The following TRIM29 variants were observed in gnomAD, a reference collection of about 807,000 sequenced individuals.
TRIM29 encodes tripartite motif containing 29, also known as tripartite motif-containing protein 29.
Under a neutral mutation model 57.3 loss-of-function variants are expected in TRIM29, and 52 were observed. The ratio of observed to expected loss-of-function variants is 0.91; its 90% CI spans 0.73 to 1.14. The LOEUF (loss-of-function observed/expected upper bound fraction) is 1.14. TRIM29 is among the 50% of genes most tolerant of loss of function. The pLI, the probability that TRIM29 is intolerant of heterozygous loss-of-function variation, is 0.00. For missense variants in TRIM29, 753 were observed against 774.6 expected, an observed-to-expected ratio of 0.97 and a Z score of 0.33; for synonymous variants, 319 against 316.9, an observed-to-expected ratio of 1.01 and a Z score of -0.07.
rs761004589 is a variant in TRIM29 at position 120,123,305 on chromosome 11, G to T, written c.1334-250C>A. On this transcript the variant is annotated intron_variant, in intron 4 of 8. Coordinates refer to ENST00000341846, the MANE Select transcript of TRIM29 (RefSeq NM_012101.4). ...GAACTAAGCCCTTGTAAATACGATTGTGTGCACAACACTTCCTAGCACTTC... is the reference window on the plus strand; with the variant it reads ...GAACTAAGCCCTTGTAAATACGATTTTGTGCACAACACTTCCTAGCACTTC... 23 of 665,616 alleles carry T rather than the reference G, an allele frequency of 3.5e-5. No homozygotes were observed. The East Asian group carries it at 3.8e-4, about 11-fold the overall frequency. 41.2% of individuals were successfully genotyped at this position (665,616 alleles called of 1,614,324 possible).
intron 1 of TRIM29, among the ~76,000 whole-genome samples, chr11:120,133,512 C>T (rs553791985): frequency 3.9e-4 from 60 of 152,256 alleles, no homozygotes; most frequent in African/African-American, 1.4e-3. Context: ...GTTATTTCCC[C>T]CTTAGCACCC....
chr11:120,122,611 G>A (rs1162165858), intron 5 of TRIM29, among the ~76,000 whole-genome samples: 1 of 152,228 alleles, frequency 6.6e-6, no homozygotes, highest in Admixed American at 6.5e-5. Flanking sequence ...CCTGGCAGAA[G>A]GGAGCCCAGG....
Position 120,137,707 on chromosome 11 carries a change from G to A in TRIM29, c.325C>T (p.Leu109Phe). 6.2e-7 allele frequency: 1 copy of A among 1,613,170 alleles called. No individual in the cohort carries two copies. The highest frequency in any genetic ancestry group is 1.1e-5 in the South Asian group (1 of 91,070). ...GGCTTCTTGGCAGCCCCCAGCTGGA[G>A]CCCTGCGTACGGCGACCTCTTGCCT... is the stretch of plus-strand genomic sequence containing the variant. ...MEGKRSPYAG[L>F]QLGAAKKPPV... The change falls in exon 1 of 9, where the codon CTC (leucine) becomes TTC (phenylalanine). Residue 109 changes from leucine to phenylalanine, a missense_variant. By Grantham distance (22) the Leu-to-Phe change is conservative (BLOSUM62 0). Transcript: ENST00000341846. The surrounding 1 kb of genome is among the most constrained non-coding windows in gnomAD (Gnocchi z 6.2).
intron 5 of TRIM29, 74 bp from the exon 6 acceptor site, chr11:120,120,739 C>T (rs1863422824): frequency 1.5e-6 from 2 of 1,343,176 alleles, no homozygotes; most frequent in African/African-American, 2.9e-5. Context: ...AAAAAGTTGC[C>T]CAAGTGCCCA....
chr11:120,135,563 C>T (rs917777831), intron 1 of TRIM29, among the ~76,000 whole-genome samples: 1 of 152,132 alleles, frequency 6.6e-6, no homozygotes, highest in Non-Finnish European at 1.5e-5. Context: ...AGTAAACTCC[C>T]TAGAATGAGT....
At position 120,113,849 on chromosome 11, in the gene TRIM29, G is replaced by T. The variant is rs115729227; in HGVS notation, c.1705-1373C>A. Among the ~76,000 whole-genome samples, 1,262 of 152,268 alleles carry T rather than the reference G, an allele frequency of 8.3e-3. 13 individuals are homozygous for T. The highest frequency in any genetic ancestry group is 0.028 in the African/African-American group (1,179 of 41,528). On this transcript the variant is annotated intron_variant, in intron 8 of 8. Coordinates refer to ENST00000341846, the MANE Select transcript of TRIM29 (RefSeq NM_012101.4). ...GAAGATTGGGTCAATAATATGGGTT[G>T]CAGGTCAATGAATGGCATTGTCTGG... is the stretch of plus-strand genomic sequence containing the variant.
chr11:120,134,857 C>T (rs1863787728), intron 1 of TRIM29, among the ~76,000 whole-genome samples: 1 of 152,188 alleles, frequency 6.6e-6, no homozygotes, highest in South Asian at 2.1e-4. Context: ...TCCCTATCTG[C>T]AAGGTGAGGG....
At chr11:120,133,357 C>A (rs571059246) in intron 1 of TRIM29, among the ~76,000 whole-genome samples, 1 of 152,314 alleles carries the variant, frequency 6.6e-6, no homozygotes, top group Middle Eastern at 3.4e-3. Context: ...AGTCTCTTGA[C>A]GACTTTGACC....
Position 120,112,176 on chromosome 11 carries a change from A to C in TRIM29, c.*238T>G, listed in dbSNP as rs1863150490. ...CCCTGTGATGGGTTGGCCTCTGAGC[A>C]CAGGAATGATGGTGACCATCTGAGG... On this transcript the variant is annotated 3_prime_UTR_variant, in exon 9 of 9. Transcript: ENST00000341846. 2.0e-6 allele frequency: 1 copy of C among 492,096 alleles called. No homozygotes were observed. The highest frequency in any genetic ancestry group is 3.7e-5 in the Admixed American group (1 of 26,900). The allele number at this position is 492,096 out of a possible 1,614,324, so 30.5% of individuals were successfully genotyped here. A position where few individuals can be genotyped will look rare whatever the true frequency, so the allele number is the denominator to read the frequency against.
At chr11:120,135,587 C>A (rs1263136764) in intron 1 of TRIM29, among the ~76,000 whole-genome samples, 2 of 152,134 alleles carry the variant, frequency 1.3e-5, no homozygotes, top group African/African-American at 4.8e-5. Context: ...ATGGCCCCGT[C>A]CCATCTATAT....
chr11:120,119,064 A>C (rs186172905), intron 6 of TRIM29, among the ~76,000 whole-genome samples: 259 of 152,342 alleles, frequency 1.7e-3, no homozygotes, highest in Non-Finnish European at 3.0e-3. Flanking sequence ...CGAACGAATG[A>C]ATACAAACAC....
chr11:120,112,457 T>G lies in TRIM29; in HGVS notation c.1724A>C (p.Tyr575Ser). ...CCCAATCCCGTTGCCTTTGTTGACGTAGAATGGCCGGTAGTGAGACTGTGG... is the reference window on the plus strand; with the variant it reads ...CCCAATCCCGTTGCCTTTGTTGACGGAGAATGGCCGGTAGTGAGACTGTGG... Reference protein sequence around the residue: ...QTMLSHYRPFYVNKGNGIGSN... With the variant: ...QTMLSHYRPFSVNKGNGIGSN... Residue 575 changes from tyrosine to serine, a missense_variant, in exon 9 of 9, where the codon TAC becomes TCC. Physicochemically the swap from Tyr to Ser is moderately radical, Grantham distance 144. Transcript: ENST00000341846. 6.2e-7 allele frequency: 1 copy of G among 1,613,208 alleles called. No homozygotes were observed. Among genetic ancestry groups the G allele is most frequent in the African/African-American group, 1.3e-5 (1 of 74,938 alleles).
At chr11:120,118,366 G>A (rs748601498) in intron 6 of TRIM29, 45 bp from the exon 7 acceptor site, 3 of 1,495,768 alleles carry the variant, frequency 2.0e-6, no homozygotes, top group Admixed American at 1.8e-5. Context: ...AGCTGGGAGT[G>A]GGAGAGGAGG....
intron 8 of TRIM29, among the ~76,000 whole-genome samples, chr11:120,115,124 AGT>A (rs1194354151): frequency 2.6e-5 from 4 of 152,202 alleles, no homozygotes; most frequent in African/African-American, 9.7e-5. Context: ...AGGTCCAGAG[AGT>A]GTATGCTTAG....
intron 1 of TRIM29, among the ~76,000 whole-genome samples, chr11:120,135,518 G>A (rs1863799073): frequency 6.6e-6 from 1 of 152,146 alleles, no homozygotes; most frequent in Admixed American, 6.5e-5. Flanking sequence ...CTGCTGTGAT[G>A]AGGATGATTG....
intron 1 of TRIM29, among the ~76,000 whole-genome samples, chr11:120,129,493 G>T (rs1170607976): frequency 2.0e-5 from 3 of 152,166 alleles, no homozygotes; most frequent in African/African-American, 7.2e-5. Flanking sequence ...TTTGAATGCA[G>T]AGTCCCACCC....
chr11:120,129,873 T>C (rs1330428676), intron 1 of TRIM29, among the ~76,000 whole-genome samples: 1 of 151,858 alleles, frequency 6.6e-6, no homozygotes, highest in Non-Finnish European at 1.5e-5. Context: ...AGAGTTGTTC[T>C]CAGTAGCATT....
Position 120,128,372 on chromosome 11 carries a change from CAGCAAGGTG to C in TRIM29, c.900+19_900+27del. 1 of 1,605,644 alleles carries C rather than the reference CAGCAAGGTG, an allele frequency of 6.2e-7. No homozygotes were observed. The highest frequency in any genetic ancestry group is 8.5e-7 in the Non-Finnish European group (1 of 1,177,108). ...AGGCAGGCCAGGTCGGGTAAGGGAG[CAGCAAGGTG>C]AGCTTGGGGGCTGCTCACCTTGATG... On this transcript the variant is annotated intron_variant, in intron 2 of 8. Coordinates refer to ENST00000341846, the MANE Select transcript of TRIM29 (RefSeq NM_012101.4).
At position 120,118,048 on chromosome 11, in the gene TRIM29, C is replaced by G. The variant is rs557310437; in HGVS notation, c.1627+175G>C. On this transcript the variant is annotated intron_variant, in intron 7 of 8. Transcript: ENST00000341846. ...AAACGCTGATGTGGCCCAGCCCCCA[C>G]CCCTGCCCTCATTTTCAGCAAAGAC... 971 of 636,680 alleles carry G rather than the reference C, an allele frequency of 1.5e-3. 4 individuals carry two copies. The highest frequency in any genetic ancestry group is 1.7e-3 in the Non-Finnish European group (605 of 359,756). The allele number at this position is 636,680 out of a possible 1,614,324, so 39.4% of individuals were successfully genotyped here.
Sources: gnomAD v4.1 joint callset for allele counts (sites outside exome capture counted in the v4.1 genomes callset) on GRCh38, gnomAD v4.1.1 for gene constraint, Gnocchi (gnomAD v3.1) non-coding constraint, MANE v1.5 for transcripts, NCBI Gene and HGNC (gene_info 2026-07-23, HGNC 2026-07-21) for gene names.